The following SEM1 variants were observed in gnomAD, a reference collection of about 807,000 sequenced individuals.
SEM1 encodes the protein SEM1 26S proteasome subunit, also known as 26S proteasome complex subunit SEM1.
A neutral mutation model predicts 12.7 loss-of-function variants in SEM1; 3 were observed. The ratio of observed to expected loss-of-function variants is 0.24; its 90% CI spans 0.11 to 0.61. The LOEUF is 0.61. Among genes scored for constraint, SEM1 ranks in the 20% least tolerant of loss-of-function variants. The pLI is 0.88. For missense variants in SEM1, 59 were observed against 81.3 expected, an observed-to-expected ratio of 0.73 and a Z score of 1.06; for synonymous variants, 30 against 27.8, an observed-to-expected ratio of 1.08 and a Z score of -0.25.
intron 2 of SEM1, among the ~76,000 whole-genome samples, chr7:96,528,694 C>T (rs564252795): frequency 2.0e-5 from 3 of 152,200 alleles, no homozygotes; most frequent in East Asian, 1.9e-4. Context: ...ATTCATATCA[C>T]CTGGGAGCTT....
At chr7:96,589,332 G>C (rs1806755430) in intron 2 of SEM1, among the ~76,000 whole-genome samples, 1 of 152,198 alleles carries the variant, frequency 6.6e-6, no homozygotes, top group East Asian at 1.9e-4. Context: ...CCCCGGATTA[G>C]AGCACACATT....
chr7:96,599,506 G>C (rs1807124614), intron 2 of SEM1, among the ~76,000 whole-genome samples: 1 of 152,190 alleles, frequency 6.6e-6, no homozygotes, highest in Non-Finnish European at 1.5e-5. Flanking sequence ...ATTTGCTGAT[G>C]AGACTGGTAT....
intron 2 of SEM1, among the ~76,000 whole-genome samples, chr7:96,580,549 A>T (rs951866918): frequency 5.3e-5 from 8 of 151,964 alleles, no homozygotes; most frequent in African/African-American, 1.7e-4. Flanking sequence ...TGCCACACTG[A>T]CTTCCACAAT....
chr7:96,694,535 T>G (rs1340726356), intron 2 of SEM1, among the ~76,000 whole-genome samples: 1 of 151,968 alleles, frequency 6.6e-6, no homozygotes. Context: ...CAGAATTAAA[T>G]TCCTAAGGAT....
At chr7:96,489,538 G>A (rs1802918350) in intron 1 of SEM1, among the ~76,000 whole-genome samples, 1 of 152,156 alleles carries the variant, frequency 6.6e-6, no homozygotes, top group Non-Finnish European at 1.5e-5. Flanking sequence ...TTTACACCAG[G>A]CCAATTAAAT....
At chr7:96,520,963 C>T (rs971050841) in intron 2 of SEM1, among the ~76,000 whole-genome samples, 2 of 152,060 alleles carry the variant, frequency 1.3e-5, no homozygotes, top group African/African-American at 4.8e-5. Context: ...CAAGGTCAGA[C>T]CTTCCCATGC....
chr7:96,599,433 A>G (rs533121065), intron 2 of SEM1, among the ~76,000 whole-genome samples: 2 of 152,248 alleles, frequency 1.3e-5, no homozygotes, highest in East Asian at 1.9e-4. Flanking sequence ...GGTCACTCCA[A>G]CACTCCTCTG....
chr7:96,648,664 C>T lies in SEM1; in HGVS notation c.171-26021G>A, dbSNP rs921959494. 4.6e-5 allele frequency among the ~76,000 whole-genome samples: 7 copies of T among 152,074 alleles called. No homozygotes were observed. The East Asian group carries it at 1.2e-3, about 25-fold the overall frequency. ...AATAGGTATTTAGGAGGTATAGAGC[C>T]GAAGCACCAACCTCTGGGTATAGGT... On this transcript the variant is annotated intron_variant, in intron 2 of 2. Transcript: ENST00000417009.
chr7:96,639,782 A>C (rs1808534653), intron 2 of SEM1, among the ~76,000 whole-genome samples: 1 of 151,988 alleles, frequency 6.6e-6, no homozygotes, highest in African/African-American at 2.4e-5. Context: ...CAAGAAGATG[A>C]AAAGGCAAGC....
chr7:96,509,258 G>A (rs1472013360), intron 2 of SEM1, among the ~76,000 whole-genome samples: 3 of 148,186 alleles, frequency 2.0e-5, no homozygotes, highest in Non-Finnish European at 4.4e-5. Flanking sequence ...CACCTGCCTT[G>A]GCCTCTCAAA....
chr7:96,591,331 T>C (rs952230531), intron 2 of SEM1, among the ~76,000 whole-genome samples: 3 of 152,086 alleles, frequency 2.0e-5, no homozygotes, highest in African/African-American at 7.2e-5. Flanking sequence ...ACTTCTGAGG[T>C]TTTAAAACAA....
chr7:96,482,619 G>A (rs1185716793), exon 4 of SEM1: 2 of 152,160 alleles, frequency 1.3e-5, no homozygotes. Flanking sequence ...ATTCCTGTCA[G>A]ATGGGTCAAC....
At chr7:96,697,093 G>A (rs1282570330) in intron 1 of SEM1, 1 of 151,334 alleles carries the variant, frequency 6.6e-6, no homozygotes, top group Admixed American at 6.6e-5. Flanking sequence ...TAAATGCATT[G>A]CCAGAATTGT....
At chr7:96,575,669 A>C (rs1806180688) in intron 2 of SEM1, among the ~76,000 whole-genome samples, 1 of 152,220 alleles carries the variant, frequency 6.6e-6, no homozygotes, top group Non-Finnish European at 1.5e-5. Flanking sequence ...CCCTGCCCAG[A>C]GAGGAGGAAT....
intron 1 of SEM1, among the ~76,000 whole-genome samples, chr7:96,703,972 A>AC (rs1554437189): frequency 2.7e-4 from 38 of 142,182 alleles, no homozygotes; most frequent in African/African-American, 7.5e-4. Context: ...GTCTCTTAAA[A>AC]ACACACACAC....
intron 2 of SEM1, among the ~76,000 whole-genome samples, chr7:96,651,951 C>T (rs893381692): frequency 1.3e-5 from 2 of 152,150 alleles, no homozygotes; most frequent in African/African-American, 4.8e-5. Flanking sequence ...TATTCAGAGG[C>T]TTTAGAGCAG....
In SEM1 at chr7:96,663,477, C is replaced by G. The variant is rs147501101; in HGVS notation, c.170+31321G>C. Among the ~76,000 whole-genome samples the G allele has an allele frequency of 3.1e-3, 474 of 152,218 alleles. 1 individual carries two copies. The highest frequency in any genetic ancestry group is 0.015 in the South Asian group (70 of 4,820). On this transcript the variant is annotated intron_variant, in intron 2 of 2. Coordinates refer to the SEM1 transcript ENST00000417009. Reference sequence around the variant, plus strand: ...CAGCAGTGTGGGGGAGAGTCTGAGACTATGATTCGGGCCTGACACCTAGGA... The same window carrying G: ...CAGCAGTGTGGGGGAGAGTCTGAGAGTATGATTCGGGCCTGACACCTAGGA...
chr7:96,659,194 A>G (rs1345986483), intron 2 of SEM1, among the ~76,000 whole-genome samples: 1 of 152,214 alleles, frequency 6.6e-6, no homozygotes, highest in Non-Finnish European at 1.5e-5. Context: ...TAAAAAAGAA[A>G]TCCACACCTG....
intron 2 of SEM1, among the ~76,000 whole-genome samples, chr7:96,581,607 G>A (rs1011879697): frequency 2.6e-5 from 4 of 152,188 alleles, no homozygotes; most frequent in Admixed American, 2.0e-4. Context: ...CCATGAGCAT[G>A]GAATGTTCTT....
Sources: allele counts gnomAD v4.1 joint callset (sites outside exome capture counted in the v4.1 genomes callset), GRCh38; gene constraint gnomAD v4.1.1; transcripts MANE v1.5; gene names NCBI Gene and HGNC (gene_info 2026-07-23, HGNC 2026-07-21).